The following SPAG16 variants were observed in gnomAD, a reference collection of about 807,000 sequenced individuals.
The protein encoded by SPAG16 is sperm-associated antigen 16 protein.
A neutral mutation model predicts 80.4 loss-of-function variants in SPAG16; 86 were observed. That is an observed-to-expected ratio of 1.07 (90% CI 0.90 to 1.28). The LOEUF (loss-of-function observed/expected upper bound fraction) is 1.28, where lower values mean the gene tolerates loss of function less well. SPAG16 is among the 50% of genes most tolerant of loss of function. SPAG16 has a pLI of 0.00. For synonymous variants in SPAG16, 294 were observed against 265.9 expected, an observed-to-expected ratio of 1.11 and a Z score of -1.03; for missense variants, 870 against 765.3, an observed-to-expected ratio of 1.14 and a Z score of -1.61.
intron 10 of SPAG16, among the ~76,000 whole-genome samples, chr2:213,660,274 T>TTG (rs201165126): frequency 1.9e-4 from 28 of 147,708 alleles, no homozygotes; most frequent in African/African-American, 5.6e-4. Context: ...GTGTTGTTGT[T>TTG]TTTTTTTTTT....
intron 11 of SPAG16, among the ~76,000 whole-genome samples, chr2:213,867,095 T>G (rs1295947078): frequency 6.6e-6 from 1 of 152,252 alleles, no homozygotes; most frequent in Admixed American, 6.5e-5. Context: ...TTTAATTTCC[T>G]CAGTAGGACT....
At chr2:213,353,963 C>A (rs1347567412) in intron 7 of SPAG16, among the ~76,000 whole-genome samples, 8 of 152,130 alleles carry the variant, frequency 5.3e-5, no homozygotes, top group African/African-American at 1.9e-4. Context: ...CATAGGTTTA[C>A]AAGTGCCATG....
intron 10 of SPAG16, among the ~76,000 whole-genome samples, chr2:213,688,687 G>T (rs1381425089): frequency 6.6e-6 from 1 of 152,086 alleles, no homozygotes; most frequent in African/African-American, 2.4e-5. Flanking sequence ...CAATCCCATT[G>T]CATTTATATT....
intron 11 of SPAG16, among the ~76,000 whole-genome samples, chr2:213,913,696 C>A (rs2077811289): frequency 6.7e-6 from 1 of 149,802 alleles, no homozygotes; most frequent in Admixed American, 6.6e-5. Context: ...CATACACATA[C>A]ATGTGTGTAT....
intron 15 of SPAG16, among the ~76,000 whole-genome samples, chr2:214,279,646 A>G (rs1193496546): frequency 6.6e-6 from 1 of 152,258 alleles, no homozygotes; most frequent in Non-Finnish European, 1.5e-5. Flanking sequence ...CTCCTCAAGT[A>G]TTCATCAGAG....
At chr2:213,629,734 G>C (rs1165647273) in intron 10 of SPAG16, among the ~76,000 whole-genome samples, 1 of 152,178 alleles carries the variant, frequency 6.6e-6, no homozygotes, top group African/African-American at 2.4e-5. Flanking sequence ...TTCCCTAATA[G>C]TTGACTTCTG....
intron 10 of SPAG16, among the ~76,000 whole-genome samples, chr2:213,698,948 C>T (rs1020742519): frequency 2.6e-5 from 4 of 152,186 alleles, no homozygotes; most frequent in African/African-American, 2.4e-5. Context: ...ACGCATAGTA[C>T]CTGGCATATA....
At chr2:213,787,748 T>G (rs182020749) in intron 10 of SPAG16, among the ~76,000 whole-genome samples, 4 of 152,162 alleles carry the variant, frequency 2.6e-5, no homozygotes, top group Admixed American at 2.0e-4. Flanking sequence ...GAATAGAAAT[T>G]TATACATTGT....
chr2:214,053,857 A>G (rs2049792778), intron 13 of SPAG16, among the ~76,000 whole-genome samples: 1 of 152,238 alleles, frequency 6.6e-6, no homozygotes, highest in Non-Finnish European at 1.5e-5. Context: ...AGTGAAGTTT[A>G]AAAGTCCTTT....
intron 15 of SPAG16, among the ~76,000 whole-genome samples, chr2:214,323,258 G>A (rs1286180188): frequency 2.6e-5 from 4 of 151,922 alleles, no homozygotes; most frequent in Admixed American, 2.6e-4. Context: ...GGGTGACCTG[G>A]CACACTTCTG....
At chr2:214,306,053 G>C (rs1298825553) in intron 15 of SPAG16, among the ~76,000 whole-genome samples, 2 of 151,990 alleles carry the variant, frequency 1.3e-5, no homozygotes, top group African/African-American at 4.8e-5. Flanking sequence ...TGATTTCTTA[G>C]AGCAGTGTTT....
chr2:213,352,645 C>G (rs573863929), intron 7 of SPAG16, among the ~76,000 whole-genome samples: 4 of 152,168 alleles, frequency 2.6e-5, no homozygotes, highest in Non-Finnish European at 4.4e-5. Flanking sequence ...TTAAATATTT[C>G]TTTTTACTCA....
intron 10 of SPAG16, among the ~76,000 whole-genome samples, chr2:213,510,250 T>G (rs1195873762): frequency 6.6e-6 from 1 of 152,148 alleles, no homozygotes; most frequent in Non-Finnish European, 1.5e-5. Context: ...CTAGTGTAGT[T>G]TATGGGTTTT....
At chr2:213,484,023 A>T (rs184298143) in intron 9 of SPAG16, among the ~76,000 whole-genome samples, 20 of 152,306 alleles carry the variant, frequency 1.3e-4, no homozygotes, top group Admixed American at 9.8e-4. Flanking sequence ...ATAATGTTAA[A>T]ATAATGATGC....
In SPAG16 at chr2:213,680,264, T is replaced by TTGTGTG. The variant is rs543034591; in HGVS notation, c.1071-182218_1071-182217insGTGTGT. Among the ~76,000 whole-genome samples the TTGTGTG allele has an allele frequency of 1.3e-3, 200 of 152,206 alleles. 2 individuals carry two copies. The highest frequency in any genetic ancestry group is 1.6e-3 in the Admixed American group (24 of 15,280). ...CACCTAGTCCCTTTGATAAGGAGCC[T>TTGTGTG]TGTTTGGCTGGGGGACCTTATCCAC... On this transcript the variant is annotated intron_variant, in intron 10 of 15. Transcript: ENST00000331683.
chr2:213,289,666 A>T (rs939544942), intron 1 of SPAG16, among the ~76,000 whole-genome samples: 1 of 152,230 alleles, frequency 6.6e-6, no homozygotes, highest in African/African-American at 2.4e-5. Flanking sequence ...TTTTATTTCA[A>T]CTTAATAAGT....
chr2:213,353,386 A>G (rs997692294), intron 7 of SPAG16, among the ~76,000 whole-genome samples: 5 of 151,272 alleles, frequency 3.3e-5, no homozygotes, highest in African/African-American at 9.7e-5. Context: ...GCCATGAGCA[A>G]TTTGAAAACC....
chr2:213,339,197 T>A (rs1278717603), intron 5 of SPAG16, among the ~76,000 whole-genome samples: 1 of 152,204 alleles, frequency 6.6e-6, no homozygotes, highest in African/African-American at 2.4e-5. Context: ...ACGCTGATCC[T>A]CAGTGATTGA....
At chr2:214,037,023 T>C (rs1190471985) in intron 13 of SPAG16, among the ~76,000 whole-genome samples, 1 of 152,026 alleles carries the variant, frequency 6.6e-6, no homozygotes, top group Non-Finnish European at 1.5e-5. Flanking sequence ...CACTTTTAAC[T>C]AAATTATTTC....
Sources: allele counts gnomAD v4.1 joint callset (sites outside exome capture counted in the v4.1 genomes callset), GRCh38; gene constraint gnomAD v4.1.1; transcripts MANE v1.5; gene names NCBI Gene and HGNC (gene_info 2026-07-23, HGNC 2026-07-21).